ZBTB25: variants seen among roughly 807,000 people sequenced by gnomAD.
ZBTB25 encodes zinc finger and BTB domain containing 25.
ZBTB25 carries 20 observed loss-of-function variants against 34.2 expected under a neutral mutation model. The observed-to-expected ratio is 0.58, with a 90% CI of 0.41 to 0.85. The LOEUF is 0.85. ZBTB25 is among the 40% of genes least tolerant of loss of function. The pLI is 0.00. For missense variants in ZBTB25, 437 were observed against 521.8 expected (o/e 0.84, Z 1.58); for synonymous variants, 175 against 186.4 (o/e 0.94, Z 0.50).
chr14:64,491,819 C>T (rs2079089227), intron 1 of ZBTB25, among the ~76,000 whole-genome samples: 1 of 152,112 alleles, frequency 6.6e-6, no homozygotes, highest in Non-Finnish European at 1.5e-5. Flanking sequence ...GTTTCCACAC[C>T]AGCCAGCCAG....
intron 1 of ZBTB25, among the ~76,000 whole-genome samples, chr14:64,498,869 C>G (rs777330767): frequency 1.8e-4 from 27 of 150,864 alleles, no homozygotes; most frequent in Non-Finnish European, 3.4e-4. Context: ...TTCCTGACCT[C>G]ATGATCCACC....
intron 2 of ZBTB25, among the ~76,000 whole-genome samples, chr14:64,452,059 G>A (rs1321694261): frequency 1.3e-5 from 2 of 152,226 alleles, no homozygotes; most frequent in South Asian, 4.1e-4. Flanking sequence ...ACTTTGGGAA[G>A]CTGAGGTGGG....
chr14:64,449,660 G>A (rs1365573174), intron 2 of ZBTB25: 40 of 1,607,586 alleles, frequency 2.5e-5, no homozygotes, highest in Middle Eastern at 1.6e-4. Flanking sequence ...GAAAAAAGAC[G>A]AAAAGGGCAC....
At chr14:64,503,955 T>A (rs543888083), upstream of ZBTB25, 1 of 152,074 alleles carries the variant, frequency 6.6e-6, no homozygotes, top group Non-Finnish European at 1.5e-5. Flanking sequence ...GCCGCCACAG[T>A]TCGCAGTTGT....
Position 64,486,471 on chromosome 14 carries a change from CTA to C in ZBTB25, c.*450_*451del. The C allele has an allele frequency of 1.0e-6, 1 of 966,416 alleles. No individual in the cohort carries two copies. The highest frequency in any genetic ancestry group is 1.8e-5 in the African/African-American group (1 of 57,072). 59.9% of individuals were successfully genotyped at this position (966,416 alleles called of 1,614,324 possible). On this transcript the variant is annotated 3_prime_UTR_variant, in exon 3 of 3. Transcript: ENST00000608382. ...AACATACAGTTATGCATTAAAGTAA[CTA>C]TTAATTTCCTATATGGAAGAAAATA...
intron 2 of ZBTB25, chr14:64,468,278 T>C (rs2078631884): frequency 2.1e-6 from 2 of 932,150 alleles, no homozygotes; most frequent in Admixed American, 6.1e-5. Context: ...ATGAAAGGTA[T>C]GAATATGCCT....
intron 1 of ZBTB25, among the ~76,000 whole-genome samples, chr14:64,493,890 A>G (rs2079174859): frequency 6.6e-6 from 1 of 151,942 alleles, no homozygotes; most frequent in Non-Finnish European, 1.5e-5. Flanking sequence ...CACTTCAGAC[A>G]CTCTGAGCTC....
chr14:64,485,348 G>A lies in ZBTB25; in HGVS notation c.*1575C>T, dbSNP rs393095. On this transcript the variant is annotated 3_prime_UTR_variant, in exon 3 of 3. Coordinates refer to ENST00000608382, the MANE Select transcript of ZBTB25 (RefSeq NM_006977.5). ...TGTATTCAAATGCCCGTGAAGCTTA[G>A]AATTTAACAAGAGGGCAAAAAAAGA... 1.0e-6 allele frequency: 1 copy of A among 985,284 alleles called. No homozygotes were observed. The highest frequency in any genetic ancestry group is 4.7e-5 in the South Asian group (1 of 21,290). The allele number at this position is 985,284 out of a possible 1,614,324, so 61.0% of individuals were successfully genotyped here. A position where few individuals can be genotyped will look rare whatever the true frequency, so the allele number is the denominator to read the frequency against.
chr14:64,498,512 C>T (rs1378691207), intron 1 of ZBTB25, among the ~76,000 whole-genome samples: 10 of 152,042 alleles, frequency 6.6e-5, no homozygotes, highest in South Asian at 2.1e-4. Flanking sequence ...GGTTTCGCCA[C>T]GTTGGCCAGG....
downstream of ZBTB25, among the ~76,000 whole-genome samples, chr14:64,477,492 G>A (rs1227127198): frequency 6.6e-5 from 10 of 152,168 alleles, no homozygotes; most frequent in East Asian, 1.7e-3. Flanking sequence ...CAGCACACAT[G>A]TGAAAAAAGA....
downstream of ZBTB25, chr14:64,473,732 CTGA>C (rs1038493074): frequency 6.0e-6 from 1 of 166,902 alleles, no homozygotes; most frequent in Admixed American, 6.5e-5. Context: ...CTAATTTCAT[CTGA>C]TAATATAGCA....
At position 64,487,276 on chromosome 14, in the gene ZBTB25, G is replaced by A; in HGVS notation, c.955C>T (p.Pro319Ser). 1 of 1,613,990 alleles carries A rather than the reference G, an allele frequency of 6.2e-7. No individual in the cohort carries two copies. The highest frequency in any genetic ancestry group is 8.5e-7 in the Non-Finnish European group (1 of 1,180,022). ...PDHTNRGTTEPLQISQVSLIS... is the reference protein window; with the variant it reads ...PDHTNRGTTESLQISQVSLIS... ...AAAGATACTTGACTGATCTGCAAAG[G>A]CTCTGTGGTACCCCGGTTGGTGTGG... Residue 319 changes from proline to serine, a missense_variant, in exon 3 of 3, where the codon CCT becomes TCT. Transcript: ENST00000608382.
At chr14:64,489,297 A>T (rs552673584) in intron 2 of ZBTB25, among the ~76,000 whole-genome samples, 1,446 of 142,274 alleles carry the variant, frequency 0.01, 11 homozygotes, top group Non-Finnish European at 0.015. Flanking sequence ...AAAATAAAAA[A>T]AACAAAAGTG....
intron 1 of ZBTB25, chr14:64,499,584 GAAAAA>G (rs35057922): frequency 0.23 from 34,203 of 145,924 alleles, 4,493 homozygotes; most frequent in Non-Finnish European, 0.31. Context: ...AAAAGAAAAA[GAAAAA>G]AAAGAATCAA....
chr14:64,458,382 C>T lies in ZBTB25; in HGVS notation c.174-8744G>A, dbSNP rs189061862. ...TTATGAATTATAGGGCTCAAACTGA[C>T]GCTATAAAAATTCACATTCTAATGC... On this transcript the variant is annotated intron_variant, in intron 2 of 2. Coordinates refer to the ZBTB25 transcript ENST00000555220. 58 of 979,652 alleles carry T rather than the reference C, an allele frequency of 5.9e-5. No individual in the cohort carries two copies. In the Admixed American group the frequency reaches 7.3e-4, roughly 12 times the overall value. 60.7% of individuals were successfully genotyped at this position (979,652 alleles called of 1,614,324 possible). A position where few individuals can be genotyped will look rare whatever the true frequency, so the allele number is the denominator to read the frequency against.
chr14:64,500,475 A>AAAAAAAAAG lies in ZBTB25; in HGVS notation c.-8+3185_-8+3186insCTTTTTTTT, dbSNP rs35009526. ...AAAGCAAAAAAAAAAAAAAAAAAAA[A>AAAAAAAAAG]AGAGAGAGAGAGAGAAAGAAAATTC... On this transcript the variant is annotated intron_variant, in intron 1 of 2. Coordinates refer to ENST00000608382, the MANE Select transcript of ZBTB25 (RefSeq NM_006977.5). Among the ~76,000 whole-genome samples, 19 of 70,524 alleles carry AAAAAAAAAG rather than the reference A, an allele frequency of 2.7e-4. 1 individual carries two copies. Among genetic ancestry groups the AAAAAAAAAG allele is most frequent in the East Asian group, 7.4e-4 (1 of 1,346 alleles). The allele number at this position is 70,524 out of a possible 152,430, so 46.3% of individuals were successfully genotyped here.
At chr14:64,467,100 T>G (rs2078620098) in intron 2 of ZBTB25, 1 of 152,224 alleles carries the variant, frequency 6.6e-6, no homozygotes, top group Non-Finnish European at 1.5e-5. Context: ...ATTAATCAAT[T>G]TTTTAATTTT....
rs756584210 is a variant in ZBTB25 at position 64,487,867 on chromosome 14, T to TC, written c.363dup (p.Thr122AspfsTer33). 1 of 1,614,176 alleles carries TC rather than the reference T, an allele frequency of 6.2e-7. No individual in the cohort carries two copies. Among genetic ancestry groups the TC allele is most frequent in the Non-Finnish European group, 8.5e-7 (1 of 1,180,034 alleles). On this transcript the variant is annotated frameshift_variant, in exon 3 of 3. Coordinates refer to ENST00000608382, the MANE Select transcript of ZBTB25 (RefSeq NM_006977.5). LOFTEE classifies it high-confidence loss of function. ...CCATATAAATTTGAGGACTGCACAG[T>TC]CTCTGGTGAGAACACTTGATTCATT...
intron 1 of ZBTB25, among the ~76,000 whole-genome samples, chr14:64,492,682 A>T (rs2079126098): frequency 6.6e-6 from 1 of 152,140 alleles, no homozygotes; most frequent in African/African-American, 2.4e-5. Context: ...ACTGAACCAT[A>T]GGGAAATGAG....
Sources: allele counts gnomAD v4.1 joint callset (sites outside exome capture counted in the v4.1 genomes callset), GRCh38; gene constraint gnomAD v4.1.1; transcripts MANE v1.5; gene names NCBI Gene and HGNC (gene_info 2026-07-23, HGNC 2026-07-21).